The following PIGH variants were observed in gnomAD, a reference collection of about 807,000 sequenced individuals.
The protein encoded by PIGH is phosphatidylinositol glycan anchor biosynthesis class H, also known as phosphatidylinositol N-acetylglucosaminyltransferase subunit H.
Under a neutral mutation model 20.1 loss-of-function variants are expected in PIGH, and 11 were observed. The observed-to-expected ratio is 0.55, with a 90% confidence interval of 0.34 to 0.91. PIGH has a LOEUF of 0.91. Ranked by LOEUF, PIGH falls within the 40% of genes least tolerant of loss-of-function variation. The probability of loss-of-function intolerance (pLI) is 0.02; values close to 1 mark genes in which losing one functional copy is unlikely to be tolerated. For missense variants in PIGH, 189 were observed against 233.6 expected, an observed-to-expected ratio of 0.81 and a Z score of 1.24; for synonymous variants, 72 against 93.1, an observed-to-expected ratio of 0.77 and a Z score of 1.31.
Position 67,593,856 on chromosome 14 carries a change from T to C in PIGH, c.277A>G (p.Ile93Val). The C allele has an allele frequency of 1.9e-6, 3 of 1,612,854 alleles. No individual in the cohort carries two copies. The highest frequency in any genetic ancestry group is 2.5e-6 in the Non-Finnish European group (3 of 1,178,850). ...GTCATCTGAATGCCAAGGGAATCAA[T>C]GATTAACAGAGTCTCCTGATCAATC... The part of the protein sequence containing the change: ...VKIDQETLLI[I>V]DSLGIQMTSS... Residue 93 changes from isoleucine to valine, a missense_variant, in exon 2 of 4, where the codon ATT (isoleucine) becomes GTT (valine). Transcript: ENST00000216452.
At chr14:67,595,246 T>C (rs1363846048) in intron 1 of PIGH, among the ~76,000 whole-genome samples, 1 of 152,202 alleles carries the variant, frequency 6.6e-6, no homozygotes, top group Non-Finnish European at 1.5e-5. Context: ...AAATCTCATA[T>C]AATTTATTCA....
chr14:67,593,865 G>A lies in PIGH; in HGVS notation c.268C>T (p.Leu90=), dbSNP rs1473766713. 1.2e-6 allele frequency: 2 copies of A among 1,612,498 alleles called. No individual in the cohort carries two copies. Among genetic ancestry groups the A allele is most frequent in the African/African-American group, 2.7e-5 (2 of 74,856 alleles). Residue 90 remains leucine (L), a synonymous_variant, in exon 2 of 4, where the codon CTG becomes TTG. Coordinates refer to ENST00000216452, the MANE Select transcript of PIGH (RefSeq NM_004569.5). The part of the protein sequence containing the change: ...LHFVKIDQET[L]LIIDSLGIQM... ...ATGCCAAGGGAATCAATGATTAACAGAGTCTCCTGATCAATCTTCACAAAA... is the reference window on the plus strand; with the variant it reads ...ATGCCAAGGGAATCAATGATTAACAAAGTCTCCTGATCAATCTTCACAAAA...
rs2036316207 is a variant in PIGH, at chr14:67,589,894, C to T, written c.*186G>A. On this transcript the variant is annotated 3_prime_UTR_variant, in exon 4 of 4. Coordinates refer to ENST00000216452, the MANE Select transcript of PIGH (RefSeq NM_004569.5). Reference sequence around the variant, plus strand: ...TAGGCAAAACCTTACAAGGAAAACACTATAATACACGGAAATATACTGAGT... The same window carrying T: ...TAGGCAAAACCTTACAAGGAAAACATTATAATACACGGAAATATACTGAGT... The T allele has an allele frequency of 7.9e-7, 1 of 1,258,674 alleles. No homozygotes were observed. The highest frequency in any genetic ancestry group is 1.5e-5 in the African/African-American group (1 of 65,506). 78.0% of individuals were successfully genotyped at this position (1,258,674 alleles called of 1,614,324 possible).
intron 1 of PIGH, among the ~76,000 whole-genome samples, chr14:67,595,590 G>A (rs2036458797): frequency 6.6e-6 from 1 of 152,200 alleles, no homozygotes; most frequent in Admixed American, 6.5e-5. Context: ...CACAACTCTG[G>A]CCAATGAAAT....
chr14:67,592,301 G>C, intron 3 of PIGH: 1 of 427,488 alleles, frequency 2.3e-6, no homozygotes, highest in Non-Finnish European at 4.4e-6. Context: ...TTAGCCAGGC[G>C]AGATGGTGCA....
At chr14:67,596,368 T>C (rs141103514) in intron 1 of PIGH, among the ~76,000 whole-genome samples, 2,748 of 136,694 alleles carry the variant, frequency 0.02, 74 homozygotes, top group African/African-American at 0.062. Flanking sequence ...CTCGAACTCC[T>C]GACCTCAGGC....
At position 67,589,944 on chromosome 14, in the gene PIGH, G is replaced by C. The variant is rs1440851409; in HGVS notation, c.*136C>G. 7.5e-7 allele frequency: 1 copy of C among 1,326,816 alleles called. No individual in the cohort carries two copies. 82.2% of individuals were successfully genotyped at this position (1,326,816 alleles called of 1,614,324 possible). A position where few individuals can be genotyped will look rare whatever the true frequency, so the allele number is the denominator to read the frequency against. On this transcript the variant is annotated 3_prime_UTR_variant, in exon 4 of 4. Transcript: ENST00000216452. ...TTAGATTTCCAGTCACCTGCTCTATGGCTCTAAGATGCACTACATCCATAA... is the reference window on the plus strand; with the variant it reads ...TTAGATTTCCAGTCACCTGCTCTATCGCTCTAAGATGCACTACATCCATAA...
chr14:67,589,565 A>G lies in PIGH; in HGVS notation c.*515T>C. On this transcript the variant is annotated 3_prime_UTR_variant, in exon 4 of 4. Transcript: ENST00000216452. ...GTGTGTTTTGGAAGATCTGTTTATT[A>G]ACAGTAAATAAATAAGCCCTGTACA... The G allele has an allele frequency of 1.0e-6, 1 of 985,434 alleles. No homozygotes were observed. The highest frequency in any genetic ancestry group is 1.2e-6 in the Non-Finnish European group (1 of 829,902). 61.0% of individuals were successfully genotyped at this position (985,434 alleles called of 1,614,324 possible).
Position 67,590,170 on chromosome 14 carries a change from A to C in PIGH, c.477T>G (p.Ser159Arg). ...TCAAGCAGTCCAGCCGGGGCTTGGC[A>C]CTCTGAATTCCAAAGGGGAGAAATG... ...GISQVVPVFQSAKPRLDCLIE... is the reference protein window; with the variant it reads ...GISQVVPVFQRAKPRLDCLIE... The change falls in exon 4 of 4, where the codon AGT becomes AGG. Residue 159 changes from serine (S) to arginine (R), a missense_variant and splice_region_variant. Physicochemically the swap from Ser to Arg is moderately radical, Grantham distance 110 (BLOSUM62 -1). Coordinates refer to ENST00000216452, the MANE Select transcript of PIGH (RefSeq NM_004569.5). The C allele has an allele frequency of 6.5e-7, 1 of 1,549,376 alleles. No homozygotes were observed. The highest frequency in any genetic ancestry group is 8.7e-7 in the Non-Finnish European group (1 of 1,146,218).
intron 1 of PIGH, among the ~76,000 whole-genome samples, chr14:67,599,445 A>C (rs1487003712): frequency 1.3e-5 from 2 of 152,208 alleles, no homozygotes; most frequent in Non-Finnish European, 2.9e-5. Flanking sequence ...AAAATTTCAT[A>C]AACCTTTAGA....
At chr14:67,594,572 G>GGGAGGC (rs929308280) in intron 1 of PIGH, among the ~76,000 whole-genome samples, 4 of 151,640 alleles carry the variant, frequency 2.6e-5, no homozygotes, top group Admixed American at 1.3e-4. Context: ...GCTTGAACCT[G>GGGAGGC]GGAGGCGGAG....
chr14:67,599,882 C>T, intron 1 of PIGH, 142 bp downstream of exon 1: 1 of 643,368 alleles, frequency 1.6e-6, no homozygotes, highest in Non-Finnish European at 2.7e-6. Flanking sequence ...ATATCGTCCC[C>T]AGAACCCGTG....
chr14:67,592,745 A>G (rs2036398104), intron 2 of PIGH, 27 bp from the exon 3 acceptor site: 3 of 1,323,338 alleles, frequency 2.3e-6, no homozygotes, highest in Non-Finnish European at 3.2e-6. Flanking sequence ...CAAATAGCAA[A>G]GTCTAAGTGA....
At chr14:67,592,595 G>T in intron 3 of PIGH, 40 bp downstream of exon 3, 1 of 1,170,992 alleles carries the variant, frequency 8.5e-7, no homozygotes. Flanking sequence ...TGAAAAGGTT[G>T]AGGAGTAATT....
intron 3 of PIGH, chr14:67,592,315 C>A: frequency 2.3e-6 from 1 of 436,462 alleles, no homozygotes; most frequent in Non-Finnish European, 4.2e-6. Flanking sequence ...TGGTGCACAC[C>A]TGTAGTCCCA....
intron 3 of PIGH, 23 bp downstream of exon 3, chr14:67,592,612 T>A (rs745703923): frequency 7.1e-7 from 1 of 1,418,172 alleles, no homozygotes; most frequent in South Asian, 1.2e-5. Context: ...AATTGGAGAA[T>A]GGTAAAAGTA....
intron 1 of PIGH, 71 bp downstream of exon 1, chr14:67,599,953 A>G (rs1594812483): frequency 7.5e-7 from 1 of 1,337,056 alleles, no homozygotes; most frequent in Admixed American, 2.5e-5. Context: ...GGGCTCGACC[A>G]AAGACCCCAA....
At position 67,597,472 on chromosome 14, in the gene PIGH, T is replaced by C. The variant is rs79614116; in HGVS notation, c.180+2552A>G. 9.3e-3 allele frequency among the ~76,000 whole-genome samples: 1,413 copies of C among 151,512 alleles called. 78 individuals are homozygous for C. In the East Asian group the frequency reaches 0.12, roughly 12 times the overall value. ...CAGCCTGGGCAACAGAGTGAGAACC[T>C]GTCTCAAAAAAAACAAAGAAACCTG... On this transcript the variant is annotated intron_variant, in intron 1 of 3. Coordinates refer to ENST00000216452, the MANE Select transcript of PIGH (RefSeq NM_004569.5).
intron 2 of PIGH, among the ~76,000 whole-genome samples, chr14:67,593,081 C>G (rs2036406206): frequency 6.6e-6 from 1 of 152,258 alleles, no homozygotes; most frequent in African/African-American, 2.4e-5. Context: ...GCCACCACAC[C>G]TGGCCACATT....
Sources: gnomAD v4.1 joint callset for allele counts (sites outside exome capture counted in the v4.1 genomes callset) on GRCh38, gnomAD v4.1.1 for gene constraint, MANE v1.5 for transcripts, NCBI Gene and HGNC (gene_info 2026-07-23, HGNC 2026-07-21) for gene names.